Variants in FAIM2 observed in about 807,000 individuals in gnomAD.
FAIM2 encodes the protein protein lifeguard 2.
A neutral mutation model predicts 47.4 loss-of-function variants in FAIM2; 27 were observed. That is an observed-to-expected ratio of 0.57 (90% CI 0.42 to 0.78). The LOEUF (loss-of-function observed/expected upper bound fraction) is 0.78. FAIM2 is among the 30% of genes least tolerant of loss of function. The pLI, the probability that FAIM2 is intolerant of heterozygous loss-of-function variation, is 0.00. For missense variants in FAIM2, 311 were observed against 389.4 expected (o/e 0.80, Z 1.69); for synonymous variants, 156 against 159.3 (o/e 0.98, Z 0.16).
At chr12:49,879,654 ATG>A (rs1223800792) in intron 11 of FAIM2, among the ~76,000 whole-genome samples, 3 of 137,800 alleles carry the variant, frequency 2.2e-5, no homozygotes, top group Admixed American at 1.4e-4. Flanking sequence ...GGGCATGTGA[ATG>A]TGTATATGTG....
At position 49,882,056 on chromosome 12, in the gene FAIM2, G is replaced by A. The variant is rs565681888; in HGVS notation, c.801+5330C>T. On this transcript the variant is annotated intron_variant, in intron 11 of 11. Transcript: ENST00000320634. ...GGGAGTTGAGGGGAGGGTCCCCCTG[G>A]GGGTCTGGGGCCTCCTCCTACACTT... 4.5e-4 allele frequency among the ~76,000 whole-genome samples: 68 copies of A among 152,320 alleles called. 1 individual carries two copies. Among genetic ancestry groups the A allele is most frequent in the African/African-American group, 1.4e-3 (60 of 41,574 alleles).
intron 11 of FAIM2, among the ~76,000 whole-genome samples, chr12:49,871,854 C>T (rs754542426): frequency 9.2e-5 from 14 of 152,128 alleles, no homozygotes; most frequent in Non-Finnish European, 1.5e-4. Context: ...TTAGCAGAGA[C>T]GGGTTTTCTC....
intron 9 of FAIM2, 52 bp downstream of exon 9, chr12:49,889,429 C>G (rs1946884021): frequency 6.5e-7 from 1 of 1,533,324 alleles, no homozygotes; most frequent in South Asian, 1.1e-5. Context: ...CATCTGCCTT[C>G]CCCTGCTCAG....
chr12:49,875,773 G>A (rs955560273), intron 11 of FAIM2, among the ~76,000 whole-genome samples: 9 of 152,140 alleles, frequency 5.9e-5, no homozygotes, highest in South Asian at 2.1e-4. Flanking sequence ...TCAGGAGTTC[G>A]AGACCAGCCT....
intron 5 of FAIM2, among the ~76,000 whole-genome samples, chr12:49,896,192 C>G (rs1419819420): frequency 6.6e-6 from 1 of 152,172 alleles, no homozygotes; most frequent in Non-Finnish European, 1.5e-5. Flanking sequence ...CCGCAGCCCC[C>G]GTACAGGGCT....
intron 1 of FAIM2, 41 bp downstream of exon 1, chr12:49,903,737 C>A: frequency 6.4e-7 from 1 of 1,550,710 alleles, no homozygotes; most frequent in African/African-American, 1.4e-5. Context: ...AGCCGGGAGC[C>A]GGAGGATGGA....
At chr12:49,888,244 C>T (rs1356813955) in intron 10 of FAIM2, among the ~76,000 whole-genome samples, 2 of 152,196 alleles carry the variant, frequency 1.3e-5, no homozygotes, top group African/African-American at 4.8e-5. Flanking sequence ...TCAACAGGAT[C>T]CTGGGAAGAG....
chr12:49,890,565 C>T (rs1946893144), intron 7 of FAIM2, 118 bp downstream of exon 7: 1 of 938,468 alleles, frequency 1.1e-6, no homozygotes, highest in East Asian at 2.4e-5. Context: ...CCCTGCCCCG[C>T]CAGGGACCTC....
At chr12:49,880,159 C>T (rs182903053) in intron 11 of FAIM2, among the ~76,000 whole-genome samples, 3 of 42,020 alleles carry the variant, frequency 7.1e-5, no homozygotes, top group Admixed American at 2.4e-4. Flanking sequence ...TATGTGTGTG[C>T]ATGTGTGTAT....
At chr12:49,887,533 G>T in intron 10 of FAIM2, 94 bp from the exon 11 acceptor site, 1 of 1,099,422 alleles carries the variant, frequency 9.1e-7, no homozygotes, top group Non-Finnish European at 1.4e-6. Flanking sequence ...TGGAGGACAC[G>T]GGGTAGCCCT....
In FAIM2 at chr12:49,889,088, G is replaced by A. The variant is rs1236917461; in HGVS notation, c.747+19C>T. 2 of 1,583,330 alleles carry A rather than the reference G, an allele frequency of 1.3e-6. No homozygotes were observed. The highest frequency in any genetic ancestry group is 1.7e-6 in the Non-Finnish European group (2 of 1,158,742). Reference sequence around the variant, plus strand: ...CCCCTCCCTCCCCATGGGGCCTGCTGGGGGACCCAGAGACTCACATATTGG... The same window carrying A: ...CCCCTCCCTCCCCATGGGGCCTGCTAGGGGACCCAGAGACTCACATATTGG... On this transcript the variant is annotated intron_variant, in intron 10 of 11. Coordinates refer to ENST00000320634, the MANE Select transcript of FAIM2 (RefSeq NM_012306.4).
chr12:49,881,435 C>T (rs1024753820), intron 11 of FAIM2, among the ~76,000 whole-genome samples: 2 of 152,112 alleles, frequency 1.3e-5, no homozygotes, highest in Non-Finnish European at 2.9e-5. Context: ...GACTTGGGCT[C>T]CTGATTTAGG....
In FAIM2 at chr12:49,877,229, G is replaced by A. The variant is rs1946742645; in HGVS notation, c.802-6576C>T. ...AGGTTTGAGCAGGGTGTGGGTTGGG[G>A]GATGAACTCCTCAGGAATGAGACAG... On this transcript the variant is annotated intron_variant, in intron 11 of 11. Coordinates refer to ENST00000320634, the MANE Select transcript of FAIM2 (RefSeq NM_012306.4). Among the ~76,000 whole-genome samples, 7 of 152,328 alleles carry A rather than the reference G, an allele frequency of 4.6e-5. 1 individual carries two copies. In the South Asian group the frequency reaches 1.4e-3, roughly 32 times the overall value.
chr12:49,899,523 T>C (rs1342555245), intron 2 of FAIM2, among the ~76,000 whole-genome samples: 1 of 152,244 alleles, frequency 6.6e-6, no homozygotes, highest in African/African-American at 2.4e-5. Context: ...CCCAAGTATA[T>C]TTTTTCAACC....
chr12:49,883,864 C>A (rs1946842746), intron 11 of FAIM2, among the ~76,000 whole-genome samples: 1 of 152,110 alleles, frequency 6.6e-6, no homozygotes, highest in Non-Finnish European at 1.5e-5. Flanking sequence ...AGGACTGAGA[C>A]TGGGTCCCCG....
chr12:49,871,913 G>A (rs541063375), intron 11 of FAIM2, among the ~76,000 whole-genome samples: 2 of 152,206 alleles, frequency 1.3e-5, no homozygotes, highest in Admixed American at 6.5e-5. Flanking sequence ...TGATCTGCCC[G>A]CCTCGGCCTC....
rs763038678 is a variant in FAIM2 at position 49,901,291 on chromosome 12, C to T, written c.50G>A (p.Gly17Glu). Residue 17 changes from glycine to glutamate, a missense_variant, in exon 2 of 12, where the codon GGG becomes GAG. By Grantham distance (98) the Gly-to-Glu change is moderately conservative. Coordinates refer to ENST00000320634, the MANE Select transcript of FAIM2 (RefSeq NM_012306.4). ...CTTCTCGCCATGCACCTGCTGCTGC[C>T]CCTCGGTCCCAGGGGCCTTGTTAGC... ...SVANKAPGTE[G>E]QQQVHGEKKE... The T allele has an allele frequency of 1.9e-6, 3 of 1,603,268 alleles. No individual in the cohort carries two copies. The highest frequency in any genetic ancestry group is 1.7e-5 in the Admixed American group (1 of 58,510).
intron 11 of FAIM2, among the ~76,000 whole-genome samples, chr12:49,875,254 C>T (rs993225424): frequency 4.6e-5 from 7 of 152,204 alleles, no homozygotes; most frequent in African/African-American, 7.2e-5. Flanking sequence ...CGGCAGGTGT[C>T]GCACTATCAG....
chr12:49,884,845 G>A (rs141331883), intron 11 of FAIM2, among the ~76,000 whole-genome samples: 4,356 of 152,290 alleles, frequency 0.029, 195 homozygotes, highest in African/African-American at 0.099. Flanking sequence ...ATGGTGGCGG[G>A]CACCTGTAGT....
Sources: allele counts gnomAD v4.1 joint callset (sites outside exome capture counted in the v4.1 genomes callset), GRCh38; gene constraint gnomAD v4.1.1; transcripts MANE v1.5; gene names NCBI Gene and HGNC (gene_info 2026-07-23, HGNC 2026-07-21).